The following ABCC9 variants were observed in gnomAD, a reference collection of about 807,000 sequenced individuals.
ABCC9 encodes ATP-binding cassette sub-family C member 9.
A neutral mutation model predicts 188.3 loss-of-function variants in ABCC9; 95 were observed. That is an observed-to-expected ratio of 0.50 (90% CI 0.43 to 0.60). The LOEUF is 0.60. Ranked by LOEUF, ABCC9 falls within the 20% of genes least tolerant of loss-of-function variation. The probability of loss-of-function intolerance (pLI) is 0.00; values close to 1 mark genes in which losing one functional copy is unlikely to be tolerated. For missense variants in ABCC9, 1,102 were observed against 1,876.3 expected (o/e 0.59, Z 7.62); for synonymous variants, 659 against 652.7 (o/e 1.01, Z -0.15).
chr12:21,933,966 A>C, intron 3 of ABCC9, 43 bp from the exon 4 acceptor site: 1 of 1,610,548 alleles, frequency 6.2e-7, no homozygotes, highest in South Asian at 1.1e-5. Context: ...ACATAAACCG[A>C]AGGCTCAATT....
chr12:21,903,661 G>C (rs1329130828), intron 12 of ABCC9, among the ~76,000 whole-genome samples: 1 of 152,134 alleles, frequency 6.6e-6, no homozygotes, highest in African/African-American at 2.4e-5. Context: ...GCCAAATCAT[G>C]AGTGAACTCC....
intron 20 of ABCC9, among the ~76,000 whole-genome samples, chr12:21,862,752 G>C (rs994911464): frequency 3.9e-5 from 6 of 152,034 alleles, no homozygotes; most frequent in Admixed American, 3.9e-4. Context: ...TTCTCAATAA[G>C]GGTCCAAGAT....
chr12:21,833,131 G>A (rs1242506929), intron 30 of ABCC9, among the ~76,000 whole-genome samples: 1 of 152,160 alleles, frequency 6.6e-6, no homozygotes, highest in Non-Finnish European at 1.5e-5. Context: ...GTGAAGGATG[G>A]AAGAGGGGTG....
intron 31 of ABCC9, among the ~76,000 whole-genome samples, chr12:21,825,794 TA>T (rs1030621985): frequency 2.0e-5 from 3 of 151,148 alleles, no homozygotes; most frequent in Non-Finnish European, 4.4e-5. Context: ...AAGTATAATT[TA>T]AAAAAAAAGA....
chr12:21,809,001 A>G (rs754348387), intron 37 of ABCC9, among the ~76,000 whole-genome samples: 1 of 152,110 alleles, frequency 6.6e-6, no homozygotes, highest in African/African-American at 2.4e-5. Flanking sequence ...ACAGATAAAC[A>G]TAATTTTATT....
rs1944613401 is a variant in ABCC9 at position 21,845,546 on chromosome 12, C to T, written c.3096+57G>A. The T allele has an allele frequency of 2.2e-6, 3 of 1,356,700 alleles. No individual in the cohort carries two copies. In the East Asian group the frequency reaches 7.1e-5, roughly 32 times the overall value. The allele number at this position is 1,356,700 out of a possible 1,614,324, so 84.0% of individuals were successfully genotyped here. A position where few individuals can be genotyped will look rare whatever the true frequency, so the allele number is the denominator to read the frequency against. On this transcript the variant is annotated intron_variant, in intron 26 of 39. Coordinates refer to ENST00000261200, the MANE Select transcript of ABCC9 (RefSeq NM_020297.4). ...AGCATCTAACTAGATAAGAAGGTAT[C>T]ACTGTTAATCTCAATATTTCCTTGA... is the stretch of plus-strand genomic sequence containing the variant.
intron 30 of ABCC9, among the ~76,000 whole-genome samples, 159 bp downstream of exon 30, chr12:21,837,919 A>G (rs1944185591): frequency 6.6e-6 from 1 of 152,190 alleles, no homozygotes; most frequent in African/African-American, 2.4e-5. Flanking sequence ...TCTAACTCTG[A>G]TCATTTACAC....
intron 10 of ABCC9, among the ~76,000 whole-genome samples, chr12:21,909,579 C>T (rs1208359322): frequency 6.6e-6 from 1 of 151,910 alleles, no homozygotes; most frequent in Non-Finnish European, 1.5e-5. Flanking sequence ...AGCTAAATAG[C>T]ACTCCAGTTT....
At chr12:21,898,654 G>T (rs1201742911) in intron 12 of ABCC9, among the ~76,000 whole-genome samples, 1 of 152,094 alleles carries the variant, frequency 6.6e-6, no homozygotes, top group Non-Finnish European at 1.5e-5. Flanking sequence ...TTTGTTAAAG[G>T]TCTTGGGAGC....
At chr12:21,915,384 A>G (rs1433426687) in intron 7 of ABCC9, among the ~76,000 whole-genome samples, 3 of 142,358 alleles carry the variant, frequency 2.1e-5, no homozygotes, top group Non-Finnish European at 1.5e-5. Flanking sequence ...GTATATATAG[A>G]CATGTGTATA....
At chr12:21,844,949 A>G in intron 26 of ABCC9, 34 bp from the exon 27 acceptor site, 1 of 1,611,188 alleles carries the variant, frequency 6.2e-7, no homozygotes, top group Non-Finnish European at 8.5e-7. Context: ...GCACATAGGA[A>G]ATTATCAATG....
intron 2 of ABCC9, 91 bp from the exon 3 acceptor site, chr12:21,936,785 A>C (rs1490424254): frequency 5.4e-6 from 5 of 921,490 alleles, no homozygotes; most frequent in Non-Finnish European, 8.2e-6. Context: ...GGGCTATATC[A>C]TAAAATTAAT....
intron 18 of ABCC9, among the ~76,000 whole-genome samples, chr12:21,865,539 A>G (rs754043244): frequency 1.7e-4 from 26 of 152,268 alleles, no homozygotes; most frequent in Non-Finnish European, 3.1e-4. Context: ...TATAAATCCA[A>G]TGGGTGACCT....
chr12:21,870,478 G>A (rs116762328), intron 18 of ABCC9, among the ~76,000 whole-genome samples: 3,226 of 152,008 alleles, frequency 0.021, 127 homozygotes, highest in African/African-American at 0.073. Context: ...GGCTGGTCTC[G>A]AACTGCTGGT....
At chr12:21,880,655 A>C (rs1156570952) in intron 16 of ABCC9, among the ~76,000 whole-genome samples, 2 of 152,142 alleles carry the variant, frequency 1.3e-5, no homozygotes, top group Non-Finnish European at 2.9e-5. Flanking sequence ...TGCAAATAAA[A>C]ACCACAGCAA....
chr12:21,895,182 G>A lies in ABCC9; in HGVS notation c.1659+93C>T, dbSNP rs1380630492. 3 of 1,108,170 alleles carry A rather than the reference G, an allele frequency of 2.7e-6. No individual in the cohort carries two copies. In the African/African-American group the frequency reaches 4.6e-5, roughly 17 times the overall value. The allele number at this position is 1,108,170 out of a possible 1,614,324, so 68.6% of individuals were successfully genotyped here. ...CATAGAGAGAAGTCACAGAGGTGAGGTAATATATATTACTACCCACACATT... is the reference window on the plus strand; with the variant it reads ...CATAGAGAGAAGTCACAGAGGTGAGATAATATATATTACTACCCACACATT... On this transcript the variant is annotated intron_variant, in intron 13 of 39. Transcript: ENST00000261200.
intron 20 of ABCC9, among the ~76,000 whole-genome samples, chr12:21,861,424 G>T (rs528119468): frequency 6.6e-6 from 1 of 152,080 alleles, no homozygotes; most frequent in East Asian, 1.9e-4. Flanking sequence ...TAGAGACAGG[G>T]TTTCACCATG....
rs186802939 is a variant in ABCC9 at position 21,829,423 on chromosome 12, G to A, written c.3567-363C>T. Among the ~76,000 whole-genome samples the A allele has an allele frequency of 4.9e-3, 742 of 151,976 alleles. 9 individuals are homozygous for A. The highest frequency in any genetic ancestry group is 8.1e-3 in the South Asian group (39 of 4,808). On this transcript the variant is annotated intron_variant, in intron 30 of 39. Transcript: ENST00000261200. ...TCACCGTGTTAGCCAGGATGGTCTC[G>A]ATCTCCTGACCTTGTGATCCGCCCA...
chr12:21,886,530 T>C (rs1324268292), intron 15 of ABCC9, among the ~76,000 whole-genome samples: 1 of 152,168 alleles, frequency 6.6e-6, no homozygotes, highest in Non-Finnish European at 1.5e-5. Context: ...TATAATGACT[T>C]CTTTACTGAT....
Sources: gnomAD v4.1 joint callset for allele counts (sites outside exome capture counted in the v4.1 genomes callset) on GRCh38, gnomAD v4.1.1 for gene constraint, MANE v1.5 for transcripts, NCBI Gene and HGNC (gene_info 2026-07-23, HGNC 2026-07-21) for gene names.